PRKD1: variants seen among roughly 807,000 people sequenced by gnomAD.
PRKD1 encodes the protein protein kinase D1, also known as serine/threonine-protein kinase D1.
A neutral mutation model predicts 95.9 loss-of-function variants in PRKD1; 63 were observed. The ratio of observed to expected loss-of-function variants is 0.66; its 90% confidence interval spans 0.54 to 0.81. PRKD1 has a LOEUF of 0.81. Ranked by LOEUF, PRKD1 falls within the 30% of genes least tolerant of loss-of-function variation. The probability of loss-of-function intolerance (pLI) is 0.00; values close to 1 mark genes in which losing one functional copy is unlikely to be tolerated. For missense variants in PRKD1, 1,048 were observed against 1,165.3 expected, an observed-to-expected ratio of 0.90 and a Z score of 1.47; for synonymous variants, 425 against 423.1, an observed-to-expected ratio of 1.00 and a Z score of -0.05.
chr14:29,626,613 A>T, intron 11 of PRKD1, 57 bp from the exon 12 acceptor site: 1 of 1,033,760 alleles, frequency 9.7e-7, no homozygotes, highest in Admixed American at 2.5e-5. Context: ...CATTAGTCCT[A>T]AAAATTAATA....
At chr14:29,587,353 G>T (rs528992786) in intron 16 of PRKD1, among the ~76,000 whole-genome samples, 1 of 152,206 alleles carries the variant, frequency 6.6e-6, no homozygotes, top group African/African-American at 2.4e-5. Context: ...ATTATTCTTT[G>T]TTGTTATGGA....
At chr14:29,882,650 AT>A (rs1482889443) in intron 1 of PRKD1, among the ~76,000 whole-genome samples, 3 of 152,102 alleles carry the variant, frequency 2.0e-5, no homozygotes, top group Non-Finnish European at 4.4e-5. Context: ...ACAACTCCGC[AT>A]TTTCCCTCTC....
At chr14:29,662,959 C>G (rs910731880) in intron 4 of PRKD1, among the ~76,000 whole-genome samples, 2 of 150,216 alleles carry the variant, frequency 1.3e-5, no homozygotes, top group Non-Finnish European at 3.0e-5. Context: ...ATAATTACCA[C>G]AATTTTTATT....
At chr14:29,671,564 T>C (rs968983263) in intron 2 of PRKD1, among the ~76,000 whole-genome samples, 13 of 151,550 alleles carry the variant, frequency 8.6e-5, no homozygotes, top group Non-Finnish European at 5.9e-5. Context: ...ATTTTTGTTT[T>C]TATCTTTTCT....
intron 1 of PRKD1, among the ~76,000 whole-genome samples, chr14:29,907,390 C>A (rs1027279005): frequency 3.3e-5 from 5 of 152,076 alleles, no homozygotes; most frequent in Non-Finnish European, 7.4e-5. Flanking sequence ...ACACATAGAC[C>A]ACACAATTCT....
At position 29,768,097 on chromosome 14, in the gene PRKD1, C is replaced by T. The variant is rs563675699; in HGVS notation, c.265-42423G>A. Among the ~76,000 whole-genome samples, 4 of 152,264 alleles carry T rather than the reference C, an allele frequency of 2.6e-5. No homozygotes were observed. In the East Asian group the frequency reaches 7.7e-4, roughly 29 times the overall value. On this transcript the variant is annotated intron_variant, in intron 1 of 17. Transcript: ENST00000331968. The stretch of plus-strand genomic sequence containing the variant: ...AGCAAGACCCAAGGATGGAACCTTG[C>T]TTGCAACATATCACTAGAAACCTCC...
At chr14:29,812,482 A>G (rs1298563208) in intron 1 of PRKD1, among the ~76,000 whole-genome samples, 3 of 152,222 alleles carry the variant, frequency 2.0e-5, no homozygotes, top group Non-Finnish European at 4.4e-5. Context: ...ACACTGCTAT[A>G]AAGAAATACC....
chr14:29,807,969 G>A (rs1043061506), intron 1 of PRKD1, among the ~76,000 whole-genome samples: 17 of 151,926 alleles, frequency 1.1e-4, no homozygotes, highest in African/African-American at 2.9e-4. Flanking sequence ...TGATTCGCCC[G>A]CCTTGGCCTC....
chr14:29,664,229 A>G (rs1373341273), intron 3 of PRKD1, among the ~76,000 whole-genome samples: 2 of 152,336 alleles, frequency 1.3e-5, no homozygotes, highest in East Asian at 3.9e-4. Flanking sequence ...ACAGCACATC[A>G]CAAGTTTTAG....
At chr14:29,709,377 G>A (rs1885236366) in intron 2 of PRKD1, among the ~76,000 whole-genome samples, 1 of 152,088 alleles carries the variant, frequency 6.6e-6, no homozygotes, top group Admixed American at 6.6e-5. Flanking sequence ...AATCCGAGGA[G>A]ATGATTAACA....
intron 2 of PRKD1, among the ~76,000 whole-genome samples, chr14:29,691,497 T>C (rs1031061643): frequency 6.6e-6 from 1 of 152,204 alleles, no homozygotes; most frequent in African/African-American, 2.4e-5. Context: ...TCTGAGAGTA[T>C]GTGGTCCACA....
intron 1 of PRKD1, among the ~76,000 whole-genome samples, chr14:29,769,349 G>T (rs1888402424): frequency 6.6e-6 from 1 of 152,158 alleles, no homozygotes; most frequent in South Asian, 2.1e-4. Context: ...GGGGATGACT[G>T]TTCAAGGCCA....
rs551136112 is a variant in PRKD1, at chr14:29,779,600, C to A, written c.265-53926G>T. Among the ~76,000 whole-genome samples, 94 of 152,040 alleles carry A rather than the reference C, an allele frequency of 6.2e-4. No individual in the cohort carries two copies. In the Middle Eastern group the frequency reaches 0.01, roughly 17 times the overall value. ...TACAAGGGATGTGAAGGACCTCTTC[C>A]AGGAGAACTACAAACCACTGCTCAA... is the stretch of plus-strand genomic sequence containing the variant. On this transcript the variant is annotated intron_variant, in intron 1 of 17. Transcript: ENST00000331968.
chr14:29,695,395 G>A (rs1566544589), intron 2 of PRKD1, among the ~76,000 whole-genome samples: 1 of 152,310 alleles, frequency 6.6e-6, no homozygotes, highest in East Asian at 1.9e-4. Context: ...CAAGGGCAGA[G>A]GCAGGTGAAA....
intron 1 of PRKD1, among the ~76,000 whole-genome samples, chr14:29,779,925 G>A (rs943081263): frequency 2.6e-5 from 4 of 152,008 alleles, no homozygotes; most frequent in African/African-American, 9.7e-5. Flanking sequence ...GCATGGTACT[G>A]GTACCAAAAC....
At chr14:29,851,664 A>G (rs1892311730) in intron 1 of PRKD1, among the ~76,000 whole-genome samples, 1 of 152,216 alleles carries the variant, frequency 6.6e-6, no homozygotes, top group Non-Finnish European at 1.5e-5. Flanking sequence ...CACTGTGGAA[A>G]GCAGTTTGGA....
At chr14:29,578,010 T>C (rs1380180948) in intron 17 of PRKD1, among the ~76,000 whole-genome samples, 2 of 152,062 alleles carry the variant, frequency 1.3e-5, no homozygotes, top group East Asian at 3.9e-4. Flanking sequence ...ATTTATTTAT[T>C]TTTGGTTTTG....
intron 1 of PRKD1, among the ~76,000 whole-genome samples, chr14:29,763,967 A>G (rs575457204): frequency 6.6e-6 from 1 of 152,268 alleles, no homozygotes; most frequent in South Asian, 2.1e-4. Flanking sequence ...TTTGCTCTAA[A>G]TTTGTAAATT....
At chr14:29,860,255 G>A (rs1044868848) in intron 1 of PRKD1, among the ~76,000 whole-genome samples, 1 of 152,232 alleles carries the variant, frequency 6.6e-6, no homozygotes, top group Non-Finnish European at 1.5e-5. Flanking sequence ...GACCCACTGT[G>A]TTGCAGCGAA....
Sources: gnomAD v4.1 joint callset for allele counts (sites outside exome capture counted in the v4.1 genomes callset) on GRCh38, gnomAD v4.1.1 for gene constraint, MANE v1.5 for transcripts, NCBI Gene and HGNC (gene_info 2026-07-23, HGNC 2026-07-21) for gene names.